USP45: variants seen among roughly 807,000 people sequenced by gnomAD.
USP45 encodes ubiquitin specific peptidase 45.
Under a neutral mutation model 95.8 loss-of-function variants are expected in USP45, and 89 were observed. That is an observed-to-expected ratio of 0.93 (90% CI 0.78 to 1.11). USP45 has a LOEUF of 1.11. USP45 is among the 50% of genes least tolerant of loss of function. The pLI is 0.00. For missense variants in USP45, 898 were observed against 942.5 expected, an observed-to-expected ratio of 0.95 and a Z score of 0.62; for synonymous variants, 281 against 316.2, an observed-to-expected ratio of 0.89 and a Z score of 1.18.
At chr6:99,459,296 T>A (rs528695527) in intron 13 of USP45, among the ~76,000 whole-genome samples, 1 of 152,306 alleles carries the variant, frequency 6.6e-6, no homozygotes, top group African/African-American at 2.4e-5. Context: ...TCCATCCACG[T>A]TCCTGTAAAA....
At chr6:99,474,432 A>G (rs1239092457) in intron 9 of USP45, among the ~76,000 whole-genome samples, 1 of 152,158 alleles carries the variant, frequency 6.6e-6, no homozygotes, top group Non-Finnish European at 1.5e-5. Flanking sequence ...TCCTGAGCTC[A>G]AGTGATCCGC....
At chr6:99,517,705 A>G (rs1256511604), upstream of USP45, among the ~76,000 whole-genome samples, 1 of 151,532 alleles carries the variant, frequency 6.6e-6, no homozygotes, top group Non-Finnish European at 1.5e-5. Context: ...GGCCTCCCGA[A>G]GTTCTGGGAT....
chr6:99,483,761 C>CCGGG (rs1793027363), intron 7 of USP45, among the ~76,000 whole-genome samples: 1 of 130,504 alleles, frequency 7.7e-6, no homozygotes, highest in East Asian at 2.4e-4. Flanking sequence ...TGGCGTGAAC[C>CCGGG]CGGGAAGTGG....
chr6:99,510,255 T>G (rs773300728), intron 1 of USP45, 25 bp from the exon 2 acceptor site: 2 of 1,539,482 alleles, frequency 1.3e-6, no homozygotes, highest in Admixed American at 1.8e-5. Context: ...GGAAAAAAAT[T>G]CATACATTTT....
chr6:99,459,820 T>G (rs892677811), intron 13 of USP45, among the ~76,000 whole-genome samples: 1 of 152,098 alleles, frequency 6.6e-6, no homozygotes, highest in Admixed American at 6.6e-5. Context: ...ATTTTTGTAT[T>G]TTAGAAATAT....
rs199583986 is a variant in USP45, at chr6:99,434,118, A to G, written c.*1598T>C. 2 of 152,352 alleles carry G rather than the reference A, an allele frequency of 1.3e-5. No individual in the cohort carries two copies. Among genetic ancestry groups the G allele is most frequent in the East Asian group, 3.8e-4 (2 of 5,196 alleles). The allele number at this position is 152,352 out of a possible 1,614,324, so 9.4% of individuals were successfully genotyped here. ...GATTATTTCACTGTTAAAAATCAAG[A>G]AAAACACTACTAACATTTCAACATC... On this transcript the variant is annotated 3_prime_UTR_variant, in exon 18 of 18. Coordinates refer to ENST00000500704, the MANE Select transcript of USP45 (RefSeq NM_001346022.3).
At chr6:99,516,089 C>T (rs2128847081), upstream of USP45, among the ~76,000 whole-genome samples, 1 of 152,068 alleles carries the variant, frequency 6.6e-6, no homozygotes, top group Non-Finnish European at 1.5e-5. Flanking sequence ...GCCCCCACAC[C>T]CCCGCCGCCC....
At chr6:99,455,820 A>T (rs1457119099) in intron 13 of USP45, among the ~76,000 whole-genome samples, 3 of 14,510 alleles carry the variant, frequency 2.1e-4, no homozygotes, top group Admixed American at 1.3e-3. Context: ...TGTGAGAGCT[A>T]AAAAAAAAAA....
At position 99,509,291 on chromosome 6, in the gene USP45, G is replaced by A. The variant is rs552193680; in HGVS notation, c.101-509C>T. On this transcript the variant is annotated intron_variant, in intron 2 of 17. Transcript: ENST00000500704. ...AAGGAGGTCTCATTCACCCTTCACT[G>A]AGCCTCCCCTGATGTTAATGTTTTG... Among the ~76,000 whole-genome samples the A allele has an allele frequency of 3.9e-5, 6 of 152,240 alleles. No individual in the cohort carries two copies. The East Asian group carries it at 9.6e-4, about 24-fold the overall frequency.
chr6:99,486,815 ACT>A (rs1473882458), intron 7 of USP45, among the ~76,000 whole-genome samples: 4 of 152,014 alleles, frequency 2.6e-5, no homozygotes, highest in Non-Finnish European at 5.9e-5. Context: ...CTATACATAT[ACT>A]CTGACTTACA....
At chr6:99,495,969 A>G (rs1796198272) in intron 5 of USP45, among the ~76,000 whole-genome samples, 1 of 152,218 alleles carries the variant, frequency 6.6e-6, no homozygotes, top group Non-Finnish European at 1.5e-5. Flanking sequence ...TGTAGTATCG[A>G]TGAGGAACCC....
rs543624163 is a variant in USP45 at position 99,445,233 on chromosome 6, T to C, written c.1975+564A>G. On this transcript the variant is annotated intron_variant, in intron 14 of 17. Transcript: ENST00000500704. Reference sequence around the variant, plus strand: ...GGCATGGTGGCTCACACCTGTAATCTCAGCACTTTGGGAGGCCAAGGCGGG... The same window carrying C: ...GGCATGGTGGCTCACACCTGTAATCCCAGCACTTTGGGAGGCCAAGGCGGG... 1.1e-4 allele frequency among the ~76,000 whole-genome samples: 17 copies of C among 152,228 alleles called. No homozygotes were observed. The South Asian group carries it at 3.3e-3, about 30-fold the overall frequency.
chr6:99,470,764 G>T (rs1303594175), intron 9 of USP45, among the ~76,000 whole-genome samples: 2 of 152,244 alleles, frequency 1.3e-5, no homozygotes, highest in African/African-American at 2.4e-5. Context: ...TTGGAATTGT[G>T]TAAATTCCAT....
At chr6:99,473,940 C>T (rs1790161189) in intron 9 of USP45, among the ~76,000 whole-genome samples, 1 of 151,848 alleles carries the variant, frequency 6.6e-6, no homozygotes, top group Non-Finnish European at 1.5e-5. Flanking sequence ...GGTTTATGAT[C>T]AAATATGTAA....
At chr6:99,460,540 T>C (rs1266944299) in intron 13 of USP45, among the ~76,000 whole-genome samples, 3 of 152,188 alleles carry the variant, frequency 2.0e-5, no homozygotes, top group Non-Finnish European at 4.4e-5. Context: ...TTCTCAAATA[T>C]CTCTGTATAA....
intron 9 of USP45, among the ~76,000 whole-genome samples, chr6:99,475,274 C>T (rs1790517222): frequency 6.6e-6 from 1 of 151,078 alleles, no homozygotes; most frequent in South Asian, 2.1e-4. Flanking sequence ...TTCCTATATC[C>T]CCCTATCGCC....
At chr6:99,517,004 T>G (rs1178446914), upstream of USP45, among the ~76,000 whole-genome samples, 1 of 152,154 alleles carries the variant, frequency 6.6e-6, no homozygotes, top group Non-Finnish European at 1.5e-5. Context: ...ACGACAAAAT[T>G]CAAAGCTATC....
chr6:99,466,141 G>A (rs1161126845), intron 11 of USP45, among the ~76,000 whole-genome samples: 2 of 151,824 alleles, frequency 1.3e-5, no homozygotes, highest in Non-Finnish European at 2.9e-5. Context: ...TCAGCCTCCC[G>A]AGTCATTGGG....
chr6:99,437,809 C>CA (rs1382087820), intron 16 of USP45, among the ~76,000 whole-genome samples: 1 of 152,190 alleles, frequency 6.6e-6, no homozygotes, highest in Non-Finnish European at 1.5e-5. Flanking sequence ...AGGGGTCTGT[C>CA]ACCACGCCCA....
Sources: allele counts gnomAD v4.1 joint callset (sites outside exome capture counted in the v4.1 genomes callset), GRCh38; gene constraint gnomAD v4.1.1; transcripts MANE v1.5; gene names NCBI Gene and HGNC (gene_info 2026-07-23, HGNC 2026-07-21).